Variants in KLHL22 observed in about 807,000 individuals in gnomAD.
KLHL22 encodes the protein kelch like family member 22, also known as kelch-like protein 22.
Under a neutral mutation model 60.7 loss-of-function variants are expected in KLHL22, and 18 were observed. The ratio of observed to expected loss-of-function variants is 0.30; its 90% CI spans 0.20 to 0.44. The LOEUF (loss-of-function observed/expected upper bound fraction) is 0.44. KLHL22 is among the 20% of genes least tolerant of loss of function. KLHL22 has a pLI of 1.00. For synonymous variants in KLHL22, 355 were observed against 354.5 expected, an observed-to-expected ratio of 1.00 and a Z score of -0.01; for missense variants, 596 against 852.3, an observed-to-expected ratio of 0.70 and a Z score of 3.74.
At chr22:20,467,313 A>C (rs560552639) in intron 3 of KLHL22, among the ~76,000 whole-genome samples, 1 of 152,356 alleles carries the variant, frequency 6.6e-6, no homozygotes, top group South Asian at 2.1e-4. Context: ...TTAAACCCTC[A>C]TAGAAACTCC....
chr22:20,476,983 G>A (rs1461064896), intron 2 of KLHL22, among the ~76,000 whole-genome samples: 1 of 151,474 alleles, frequency 6.6e-6, no homozygotes, highest in Non-Finnish European at 1.5e-5. Context: ...CTGGATTACA[G>A]GTGTGAGCCA....
At chr22:20,470,138 A>T (rs2053290908) in intron 3 of KLHL22, among the ~76,000 whole-genome samples, 1 of 151,744 alleles carries the variant, frequency 6.6e-6, no homozygotes, top group South Asian at 2.1e-4. Context: ...CAGGAGCTTG[A>T]GACCAGCCTG....
At chr22:20,474,063 G>C (rs372196460) in intron 2 of KLHL22, among the ~76,000 whole-genome samples, 5 of 151,442 alleles carry the variant, frequency 3.3e-5, no homozygotes, top group African/African-American at 1.2e-4. Flanking sequence ...GCAGTGGTGC[G>C]ATCTTGGCTC....
At chr22:20,470,786 AGATGGATGGATGGATGGATG>A (rs361774) in intron 3 of KLHL22, among the ~76,000 whole-genome samples, 1 of 137,648 alleles carries the variant, frequency 7.3e-6, no homozygotes. Context: ...ATGGATGGAT[AGATGGATGGATGGATGGATG>A]GATGGATGGA....
intron 2 of KLHL22, among the ~76,000 whole-genome samples, chr22:20,480,183 C>T (rs753390394): frequency 7.2e-5 from 11 of 152,074 alleles, no homozygotes; most frequent in Non-Finnish European, 1.3e-4. Flanking sequence ...ATGGTAGCTG[C>T]CAGGGCCTGG....
At chr22:20,491,381 T>C (rs1569148862) in intron 1 of KLHL22, 1 of 152,188 alleles carries the variant, frequency 6.6e-6, no homozygotes, top group Non-Finnish European at 1.5e-5. Context: ...AGGCTGAAAG[T>C]CCCAACCCTC....
chr22:20,483,993 C>A (rs909536378), intron 2 of KLHL22: 2 of 709,462 alleles, frequency 2.8e-6, no homozygotes, highest in Non-Finnish European at 5.2e-6. Flanking sequence ...GCCCTCGGTG[C>A]CTGCATAGAC....
At chr22:20,476,360 G>C (rs1377604714) in intron 2 of KLHL22, among the ~76,000 whole-genome samples, 1 of 149,742 alleles carries the variant, frequency 6.7e-6, no homozygotes, top group Non-Finnish European at 1.5e-5. Flanking sequence ...AACATTTCAA[G>C]CACTGCCCGC....
chr22:20,442,125 T>C lies in KLHL22; in HGVS notation c.1853A>G (p.Glu618Gly). 1 of 1,533,542 alleles carries C rather than the reference T, an allele frequency of 6.5e-7. No individual in the cohort carries two copies. Among genetic ancestry groups the C allele is most frequent in the Non-Finnish European group, 8.8e-7 (1 of 1,139,010 alleles). 95.0% of individuals were successfully genotyped at this position (1,533,542 alleles called of 1,614,324 possible). ...CTCCCAGTCAGACACACTCATCACCTCAGAGGCAAAGTCCGGGTCGGCCTG... is the reference window on the plus strand; with the variant it reads ...CTCCCAGTCAGACACACTCATCACCCCAGAGGCAAAGTCCGGGTCGGCCTG... ...RSQADPDFAS[E>G]VMSVSDWEEF... The change falls in exon 7 of 7, where the codon GAG becomes GGG. Residue 618 changes from glutamate (E) to glycine (G), a missense_variant. By Grantham distance (98) the Glu-to-Gly change is moderately conservative (BLOSUM62 -2). Coordinates refer to ENST00000328879, the MANE Select transcript of KLHL22 (RefSeq NM_032775.4).
intron 2 of KLHL22, among the ~76,000 whole-genome samples, chr22:20,484,452 G>A (rs545597515): frequency 7.2e-5 from 11 of 152,086 alleles, no homozygotes; most frequent in East Asian, 5.8e-4. Context: ...GCACCACTAC[G>A]CCCAGCTAAT....
intron 5 of KLHL22, among the ~76,000 whole-genome samples, chr22:20,448,269 C>T (rs562452630): frequency 2.2e-4 from 33 of 152,266 alleles, no homozygotes; most frequent in African/African-American, 6.3e-4. Context: ...AGCACAAACA[C>T]GGCACTCAAA....
chr22:20,466,213 G>C (rs1262821481), intron 3 of KLHL22, among the ~76,000 whole-genome samples: 1 of 151,526 alleles, frequency 6.6e-6, no homozygotes. Flanking sequence ...GTCTCTACTA[G>C]AAATACAAAA....
chr22:20,463,047 C>T (rs1161104861), intron 4 of KLHL22, among the ~76,000 whole-genome samples: 1 of 152,124 alleles, frequency 6.6e-6, no homozygotes, highest in Non-Finnish European at 1.5e-5. Context: ...AGAGAAAGAA[C>T]CAAATCTTAG....
At chr22:20,445,159 AAC>A (rs1263668294) in intron 6 of KLHL22, among the ~76,000 whole-genome samples, 1 of 151,568 alleles carries the variant, frequency 6.6e-6, no homozygotes, top group Non-Finnish European at 1.5e-5. Flanking sequence ...CATACTGAAA[AAC>A]AGTACTGCAG....
chr22:20,464,769 G>T lies in KLHL22; in HGVS notation c.1112+89C>A, dbSNP rs1434282967. The T allele has an allele frequency of 5.1e-6, 4 of 778,384 alleles. No individual in the cohort carries two copies. In the Admixed American group the frequency reaches 7.5e-5, roughly 15 times the overall value. The allele number at this position is 778,384 out of a possible 1,614,324, so 48.2% of individuals were successfully genotyped here. A position where few individuals can be genotyped will look rare whatever the true frequency, so the allele number is the denominator to read the frequency against. On this transcript the variant is annotated intron_variant, in intron 4 of 6. Transcript: ENST00000328879. Reference sequence around the variant, plus strand: ...GCAAGTGATGCTCATGTGAAAGGCTGGGGGGAACCTGACCAGCTCTCTCAG... The same window carrying T: ...GCAAGTGATGCTCATGTGAAAGGCTTGGGGGAACCTGACCAGCTCTCTCAG...
intron 2 of KLHL22, among the ~76,000 whole-genome samples, chr22:20,472,541 C>A (rs2053344424): frequency 6.6e-6 from 1 of 152,182 alleles, no homozygotes; most frequent in Non-Finnish European, 1.5e-5. Flanking sequence ...GCCTGGCCAA[C>A]ATGGTGAAAC....
In KLHL22 at chr22:20,442,348, T is replaced by C. The variant is rs2052774519; in HGVS notation, c.1630A>G (p.Asn544Asp). 2 of 1,613,936 alleles carry C rather than the reference T, an allele frequency of 1.2e-6. No homozygotes were observed. Among genetic ancestry groups the C allele is most frequent in the East Asian group, 4.5e-5 (2 of 44,882 alleles). ...CGGCCACCTAACACATAGATCCTGTTGTCCAGCACAGCAATGCCAGGCTCA... is the reference window on the plus strand; with the variant it reads ...CGGCCACCTAACACATAGATCCTGTCGTCCAGCACAGCAATGCCAGGCTCA... ...HGEPGIAVLD[N>D]RIYVLGGRSH... Residue 544 changes from asparagine to aspartate, a missense_variant, in exon 7 of 7, where the codon AAC becomes GAC. By Grantham distance (23) the Asn-to-Asp change is conservative (BLOSUM62 1). Transcript: ENST00000328879.
chr22:20,451,133 G>A lies in KLHL22; in HGVS notation c.1306-4457C>T, dbSNP rs1601328433. 6 of 1,533,084 alleles carry A rather than the reference G, an allele frequency of 3.9e-6. No homozygotes were observed. In the East Asian group the frequency reaches 1.3e-4, roughly 34 times the overall value. The allele number at this position is 1,533,084 out of a possible 1,614,324, so 95.0% of individuals were successfully genotyped here. A position where few individuals can be genotyped will look rare whatever the true frequency, so the allele number is the denominator to read the frequency against. On this transcript the variant is annotated intron_variant, in intron 5 of 6. Transcript: ENST00000328879. The stretch of plus-strand genomic sequence containing the variant: ...ATCTACGTCATTGGTGGCTGTGATG[G>A]TCGTTCCAGCCTTAGTTCAGTGGAA...
intron 6 of KLHL22, among the ~76,000 whole-genome samples, chr22:20,444,063 A>G (rs967263806): frequency 7.0e-6 from 1 of 143,588 alleles, no homozygotes; most frequent in African/African-American, 2.6e-5. Context: ...AAAAAAAAAA[A>G]AAAGAAAAAA....
Sources: allele counts gnomAD v4.1 joint callset (sites outside exome capture counted in the v4.1 genomes callset), GRCh38; gene constraint gnomAD v4.1.1; transcripts MANE v1.5; gene names NCBI Gene and HGNC (gene_info 2026-07-23, HGNC 2026-07-21).